The following ST18 variants were observed in gnomAD, a reference collection of about 807,000 sequenced individuals.
ST18 encodes ST18 C2H2C-type zinc finger transcription factor, also known as suppression of tumorigenicity 18 protein.
In ST18, 50 loss-of-function variants were observed where a neutral mutation model predicts 110.0. The ratio of observed to expected loss-of-function variants is 0.45; its 90% CI spans 0.36 to 0.58. ST18 has a LOEUF of 0.58. ST18 is among the 20% of genes least tolerant of loss of function. The pLI is 0.00. For missense variants in ST18, 1,306 were observed against 1,280.1 expected, an observed-to-expected ratio of 1.02 and a Z score of -0.31; for synonymous variants, 461 against 452.4, an observed-to-expected ratio of 1.02 and a Z score of -0.24.
In ST18 at chr8:52,178,645, C is replaced by CAAAAAAAAAAAAA. The variant is rs1563897561; in HGVS notation, c.277+1476_277+1477insTTTTTTTTTTTTT. 9.6e-4 allele frequency among the ~76,000 whole-genome samples: 29 copies of CAAAAAAAAAAAAA among 30,098 alleles called. 2 individuals are homozygous for CAAAAAAAAAAAAA. Among genetic ancestry groups the CAAAAAAAAAAAAA allele is most frequent in the African/African-American group, 4.4e-3 (26 of 5,942 alleles). 19.7% of individuals were successfully genotyped at this position (30,098 alleles called of 152,430 possible). A position where few individuals can be genotyped will look rare whatever the true frequency, so the allele number is the denominator to read the frequency against. ...AAAAAAAAAAAAAAAAAAAAAAAAC[C>CAAAAAAAAAAAAA]ACCAAAAACCAAAATAAAACAAACA... On this transcript the variant is annotated intron_variant, in intron 9 of 25. Coordinates refer to ENST00000689386, the MANE Select transcript of ST18 (RefSeq NM_001352837.2).
chr8:52,168,992 A>G (rs1367097333), intron 10 of ST18, among the ~76,000 whole-genome samples: 1 of 152,128 alleles, frequency 6.6e-6, no homozygotes, highest in Non-Finnish European at 1.5e-5. Context: ...TTTCTAAACC[A>G]CATTGAAAGG....
intron 10 of ST18, among the ~76,000 whole-genome samples, chr8:52,167,757 C>G (rs556738646): frequency 1.3e-5 from 2 of 152,070 alleles, no homozygotes; most frequent in Non-Finnish European, 2.9e-5. Context: ...CACCGAGCAG[C>G]GGTCCAGAGA....
chr8:52,220,749 T>C lies in ST18; in HGVS notation c.-165A>G, dbSNP rs2086331852. 1 of 152,200 alleles carries C rather than the reference T, an allele frequency of 6.6e-6. No individual in the cohort carries two copies. The highest frequency in any genetic ancestry group is 1.5e-5 in the Non-Finnish European group (1 of 68,018). 9.4% of individuals were successfully genotyped at this position (152,200 alleles called of 1,614,324 possible). ...TAAAAATGTCGCCTTACCTCTCTTT[T>C]TCTCCAGGTAACTTGTATGTCAACT... On this transcript the variant is annotated 5_prime_UTR_variant, in exon 5 of 26. Transcript: ENST00000689386.
intron 2 of ST18, among the ~76,000 whole-genome samples, chr8:52,327,418 T>C (rs1328039800): frequency 2.6e-5 from 4 of 152,210 alleles, no homozygotes; most frequent in Non-Finnish European, 5.9e-5. Flanking sequence ...CCACTGCATC[T>C]TATTCTGACT....
chr8:52,195,725 A>G (rs1471708107), intron 8 of ST18, among the ~76,000 whole-genome samples: 5 of 152,320 alleles, frequency 3.3e-5, no homozygotes, highest in African/African-American at 1.2e-4. Flanking sequence ...TAAGGTAATC[A>G]TATGCCAGTT....
intron 2 of ST18, among the ~76,000 whole-genome samples, chr8:52,363,253 C>T (rs1353423126): frequency 6.6e-6 from 1 of 152,104 alleles, no homozygotes; most frequent in African/African-American, 2.4e-5. Flanking sequence ...GTAGATTTGT[C>T]TATTTTACCT....
intron 8 of ST18, 151 bp from the exon 9 acceptor site, chr8:52,180,463 G>A (rs981602820): frequency 3.0e-5 from 23 of 760,374 alleles, no homozygotes; most frequent in Non-Finnish European, 4.6e-5. Context: ...CATCCCATCT[G>A]TGGACTCCAC....
chr8:52,380,709 TA>T lies in ST18; in HGVS notation c.-465+28618del, dbSNP rs145117385. ...GGAAATGCCGATGCCTAACATTCATTAAAAAAAAAGTATTAATCTCCTCCTA... is the reference window on the plus strand; with the variant it reads ...GGAAATGCCGATGCCTAACATTCATTAAAAAAAAGTATTAATCTCCTCCTA... On this transcript the variant is annotated intron_variant, in intron 2 of 25. Transcript: ENST00000689386. Among the ~76,000 whole-genome samples, 1,453 of 151,334 alleles carry T rather than the reference TA, an allele frequency of 9.6e-3. 18 individuals carry two copies. The highest frequency in any genetic ancestry group is 0.034 in the African/African-American group (1,389 of 41,284).
At chr8:52,279,745 AAG>A (rs1185490550) in intron 2 of ST18, among the ~76,000 whole-genome samples, 1 of 152,194 alleles carries the variant, frequency 6.6e-6, no homozygotes, top group African/African-American at 2.4e-5. Context: ...GAGAGAAACT[AAG>A]AGAAAAACCA....
At chr8:52,233,269 G>A (rs1423258090) in intron 2 of ST18, among the ~76,000 whole-genome samples, 1 of 152,092 alleles carries the variant, frequency 6.6e-6, no homozygotes, top group Non-Finnish European at 1.5e-5. Flanking sequence ...GGGGTGTATG[G>A]TGAATGCCAC....
intron 8 of ST18, among the ~76,000 whole-genome samples, chr8:52,190,550 T>C (rs879688771): frequency 6.6e-6 from 1 of 152,222 alleles, no homozygotes; most frequent in African/African-American, 2.4e-5. Context: ...TGGATTAACA[T>C]ACACTCAAAT....
intron 2 of ST18, among the ~76,000 whole-genome samples, chr8:52,259,163 G>A (rs1007382003): frequency 1.3e-5 from 2 of 152,206 alleles, no homozygotes; most frequent in East Asian, 3.9e-4. Context: ...AGGGCTAAGT[G>A]GCAGAGTTTC....
intron 2 of ST18, among the ~76,000 whole-genome samples, chr8:52,285,899 C>T (rs1432830736): frequency 6.6e-6 from 1 of 152,208 alleles, no homozygotes; most frequent in Non-Finnish European, 1.5e-5. Context: ...GGAGCCAGCA[C>T]AGTGTTAAAC....
intron 22 of ST18, among the ~76,000 whole-genome samples, chr8:52,129,535 AACT>A (rs2048404021): frequency 1.3e-5 from 2 of 152,104 alleles, no homozygotes; most frequent in South Asian, 4.2e-4. Flanking sequence ...ACCCCACATT[AACT>A]ACAGTCTCTT....
At chr8:52,113,419 A>G (rs2041160581) in intron 25 of ST18, 81 bp from the exon 26 acceptor site, 2 of 1,554,366 alleles carry the variant, frequency 1.3e-6, no homozygotes, top group Admixed American at 1.7e-5. Flanking sequence ...ATCGAAGATC[A>G]GTGATCCGGG....
intron 2 of ST18, among the ~76,000 whole-genome samples, chr8:52,303,329 C>A (rs573884707): frequency 2.6e-5 from 4 of 152,338 alleles, no homozygotes; most frequent in African/African-American, 7.2e-5. Context: ...TGTTATGTTG[C>A]CTTCGTCCCT....
At chr8:52,352,540 T>G (rs1820840822) in intron 2 of ST18, among the ~76,000 whole-genome samples, 1 of 152,180 alleles carries the variant, frequency 6.6e-6, no homozygotes, top group Admixed American at 6.5e-5. Flanking sequence ...AAAGTCACAA[T>G]GGCACCTGAA....
intron 5 of ST18, among the ~76,000 whole-genome samples, chr8:52,218,278 T>C (rs1201094575): frequency 2.0e-5 from 3 of 152,028 alleles, no homozygotes; most frequent in African/African-American, 7.2e-5. Context: ...GCAGAAAATG[T>C]CATGGTGACC....
intron 2 of ST18, among the ~76,000 whole-genome samples, chr8:52,324,969 ACAT>A (rs1287885881): frequency 6.6e-6 from 1 of 152,248 alleles, no homozygotes; most frequent in Non-Finnish European, 1.5e-5. Flanking sequence ...AATAAGTTGG[ACAT>A]TTGAAAAATG....
Sources: gnomAD v4.1 joint callset for allele counts (sites outside exome capture counted in the v4.1 genomes callset) on GRCh38, gnomAD v4.1.1 for gene constraint, MANE v1.5 for transcripts, NCBI Gene and HGNC (gene_info 2026-07-23, HGNC 2026-07-21) for gene names.